Variants in LMX1B observed in about 807,000 individuals in gnomAD.
LMX1B encodes LIM homeobox transcription factor 1 beta, also known as LIM homeobox transcription factor 1-beta.
A neutral mutation model predicts 51.4 loss-of-function variants in LMX1B; 12 were observed. The ratio of observed to expected loss-of-function variants is 0.23; its 90% CI spans 0.15 to 0.38. LMX1B has a LOEUF of 0.38. Ranked by LOEUF, LMX1B falls within the 10% of genes least tolerant of loss-of-function variation. LMX1B has a pLI of 1.00. For missense variants in LMX1B, 445 were observed against 571.1 expected, an observed-to-expected ratio of 0.78 and a Z score of 2.25; for synonymous variants, 237 against 235.4, an observed-to-expected ratio of 1.01 and a Z score of -0.06.
At position 126,690,831 on chromosome 9, in the gene LMX1B, C is replaced by T. The variant is rs186285462; in HGVS notation, c.327-5C>T. Reference sequence around the variant, plus strand: ...CGCCAACACGCCCGCTTTGTGCATCCGCAGGCTCTTCGCGGCCAAGTGCAG... The same window carrying T: ...CGCCAACACGCCCGCTTTGTGCATCTGCAGGCTCTTCGCGGCCAAGTGCAG... On this transcript the variant is annotated splice_region_variant and splice_polypyrimidine_tract_variant and intron_variant, in intron 2 of 7. Coordinates refer to ENST00000373474, the MANE Select transcript of LMX1B (RefSeq NM_001174147.2). 1.1e-4 allele frequency: 184 copies of T among 1,604,408 alleles called. 1 individual carries two copies. Among genetic ancestry groups the T allele is most frequent in the East Asian group, 4.7e-4 (21 of 44,552 alleles).
chr9:126,629,232 C>G (rs928619932), intron 2 of LMX1B, among the ~76,000 whole-genome samples: 4 of 152,120 alleles, frequency 2.6e-5, no homozygotes, highest in Non-Finnish European at 2.9e-5. Flanking sequence ...CTAACACTTC[C>G]CAAGTTTGTG....
chr9:126,661,536 G>A (rs1003471011), intron 2 of LMX1B, among the ~76,000 whole-genome samples: 2 of 152,182 alleles, frequency 1.3e-5, no homozygotes, highest in Non-Finnish European at 2.9e-5. Flanking sequence ...GGCCAGCCCC[G>A]GAGGCCATGG....
At chr9:126,657,425 A>T (rs1476022941) in intron 2 of LMX1B, among the ~76,000 whole-genome samples, 1 of 152,224 alleles carries the variant, frequency 6.6e-6, no homozygotes, top group East Asian at 1.9e-4. Flanking sequence ...CTGCAAGCAG[A>T]ACTCTGCTTA....
intron 2 of LMX1B, among the ~76,000 whole-genome samples, chr9:126,621,126 C>G (rs959070690): frequency 1.3e-5 from 2 of 152,190 alleles, no homozygotes; most frequent in East Asian, 3.8e-4. Context: ...AGGAAAAAAA[C>G]CAGTCCTACT....
At chr9:126,682,939 T>C (rs764207108) in intron 2 of LMX1B, among the ~76,000 whole-genome samples, 51 of 143,622 alleles carry the variant, frequency 3.6e-4, no homozygotes, top group Middle Eastern at 3.6e-3. Flanking sequence ...ATTTGTGGAA[T>C]CGCCAAATGT....
At position 126,700,501 on chromosome 9, in the gene LMX1B, C is replaced by A. The variant is rs776459298; in HGVS notation, c.*4050C>A. 6.6e-5 allele frequency: 10 copies of A among 152,304 alleles called. No homozygotes were observed. The highest frequency in any genetic ancestry group is 1.3e-4 in the Non-Finnish European group (9 of 68,100). 9.4% of individuals were successfully genotyped at this position (152,304 alleles called of 1,614,324 possible). A position where few individuals can be genotyped will look rare whatever the true frequency, so the allele number is the denominator to read the frequency against. On this transcript the variant is annotated 3_prime_UTR_variant, in exon 8 of 8. Coordinates refer to ENST00000373474, the MANE Select transcript of LMX1B (RefSeq NM_001174147.2). ...TGGCTCCATCCTTGAGCTCTGGGCA[C>A]CACCTAGGGTGAGGGAGAGCCTGCA...
In LMX1B at chr9:126,695,248, G is replaced by A. The variant is rs541988215; in HGVS notation, c.887-591G>A. On this transcript the variant is annotated intron_variant, in intron 6 of 7. Coordinates refer to ENST00000373474, the MANE Select transcript of LMX1B (RefSeq NM_001174147.2). The surrounding 1 kb of genome is among the most constrained non-coding windows in gnomAD (Gnocchi z 5.2). Reference sequence around the variant, plus strand: ...TCCAGCGGCTCCCAGCGGCCTCGGGGACCCCCACCCAGCTCGGCACCCCAG... The same window carrying A: ...TCCAGCGGCTCCCAGCGGCCTCGGGAACCCCCACCCAGCTCGGCACCCCAG... Among the ~76,000 whole-genome samples, 6 of 152,198 alleles carry A rather than the reference G, an allele frequency of 3.9e-5. No individual in the cohort carries two copies. Among genetic ancestry groups the A allele is most frequent in the African/African-American group, 1.4e-4 (6 of 41,520 alleles).
At chr9:126,648,573 G>T (rs68034064) in intron 2 of LMX1B, among the ~76,000 whole-genome samples, 9 of 152,240 alleles carry the variant, frequency 5.9e-5, no homozygotes, top group Non-Finnish European at 7.4e-5. Context: ...ATCCATCTCA[G>T]GGGGCATGAG....
At chr9:126,694,720 C>T (rs2030264537) in intron 6 of LMX1B, among the ~76,000 whole-genome samples, 1 of 152,174 alleles carries the variant, frequency 6.6e-6, no homozygotes. Flanking sequence ...GACTTGGCTT[C>T]TAATGACACA....
intron 2 of LMX1B, among the ~76,000 whole-genome samples, chr9:126,682,764 G>A (rs1275294529): frequency 2.0e-5 from 3 of 151,962 alleles, no homozygotes; most frequent in Non-Finnish European, 2.9e-5. Flanking sequence ...GCGCGGTGGC[G>A]CCTGCCTGTA....
In LMX1B at chr9:126,696,490, G is replaced by C; in HGVS notation, c.*39G>C. ...GCACGGACGCTTGGGCAGGGGCCTG[G>C]GGGGGACTGCCAGCCTCTGCGGCCA... On this transcript the variant is annotated 3_prime_UTR_variant, in exon 8 of 8. Coordinates refer to ENST00000373474, the MANE Select transcript of LMX1B (RefSeq NM_001174147.2). 1.2e-6 allele frequency: 2 copies of C among 1,611,230 alleles called. No individual in the cohort carries two copies. The highest frequency in any genetic ancestry group is 1.7e-6 in the Non-Finnish European group (2 of 1,178,042).
intron 2 of LMX1B, among the ~76,000 whole-genome samples, chr9:126,674,242 CTGAG>C (rs1836514401): frequency 6.6e-6 from 1 of 152,154 alleles, no homozygotes; most frequent in Non-Finnish European, 1.5e-5. Flanking sequence ...GAATATGTCT[CTGAG>C]TGAGTGTCTG....
chr9:126,646,696 G>A (rs1319307980), intron 2 of LMX1B, among the ~76,000 whole-genome samples: 7 of 152,306 alleles, frequency 4.6e-5, no homozygotes, highest in African/African-American at 1.7e-4. Context: ...CAGAGACTGT[G>A]TTCCCAGAAC....
At chr9:126,652,359 C>T (rs762297277) in intron 2 of LMX1B, among the ~76,000 whole-genome samples, 2 of 152,102 alleles carry the variant, frequency 1.3e-5, no homozygotes, top group Non-Finnish European at 2.9e-5. Context: ...GGGAAGGGCT[C>T]CCGTTCAAAG....
intron 2 of LMX1B, among the ~76,000 whole-genome samples, chr9:126,664,913 T>A (rs1209007041): frequency 7.9e-5 from 12 of 152,236 alleles, no homozygotes; most frequent in African/African-American, 2.7e-4. Flanking sequence ...AAGTATTTCC[T>A]GACCTTGACC....
Position 126,615,280 on chromosome 9 carries a change from G to A in LMX1B, c.140-103G>A, listed in dbSNP as rs1835280466. 3 of 801,642 alleles carry A rather than the reference G, an allele frequency of 3.7e-6. No homozygotes were observed. The highest frequency in any genetic ancestry group is 4.9e-6 in the Non-Finnish European group (3 of 609,482). The allele number at this position is 801,642 out of a possible 1,614,324, so 49.7% of individuals were successfully genotyped here. A position where few individuals can be genotyped will look rare whatever the true frequency, so the allele number is the denominator to read the frequency against. ...CAGGCGGCAGGCGGTGATCCCGGGCGGCCCGAGCCCTCGGGGCCGAGGGCT... is the reference window on the plus strand; with the variant it reads ...CAGGCGGCAGGCGGTGATCCCGGGCAGCCCGAGCCCTCGGGGCCGAGGGCT... On this transcript the variant is annotated intron_variant, in intron 1 of 7. Coordinates refer to ENST00000373474, the MANE Select transcript of LMX1B (RefSeq NM_001174147.2). This position sits in a 1 kb window ranked among gnomAD's most constrained non-coding sequence, Gnocchi z 6.0.
intron 2 of LMX1B, among the ~76,000 whole-genome samples, chr9:126,683,670 G>A (rs926954630): frequency 3.3e-5 from 5 of 152,194 alleles, no homozygotes; most frequent in Admixed American, 6.5e-5. Flanking sequence ...TCTACAGCCT[G>A]CCATCCTGGG....
chr9:126,696,527 C>A lies in LMX1B; in HGVS notation c.*76C>A. 6.5e-7 allele frequency: 1 copy of A among 1,539,762 alleles called. No homozygotes were observed. The highest frequency in any genetic ancestry group is 9.0e-7 in the Non-Finnish European group (1 of 1,115,106). On this transcript the variant is annotated 3_prime_UTR_variant, in exon 8 of 8. Coordinates refer to ENST00000373474, the MANE Select transcript of LMX1B (RefSeq NM_001174147.2). Reference sequence around the variant, plus strand: ...AGCCTCTGCGGCCAGCCTGGCCACCCCCGCCCTGCTCTCCGCACAGACTAC... The same window carrying A: ...AGCCTCTGCGGCCAGCCTGGCCACCACCGCCCTGCTCTCCGCACAGACTAC...
At chr9:126,676,108 G>T (rs983122252) in intron 2 of LMX1B, among the ~76,000 whole-genome samples, 5 of 151,664 alleles carry the variant, frequency 3.3e-5, no homozygotes, top group Admixed American at 3.3e-4. Context: ...ACTCAGGCAG[G>T]CTCCTGTACT....
Sources: allele counts gnomAD v4.1 joint callset (sites outside exome capture counted in the v4.1 genomes callset), GRCh38; gene constraint gnomAD v4.1.1; non-coding constraint Gnocchi (gnomAD v3.1); transcripts MANE v1.5; gene names NCBI Gene and HGNC (gene_info 2026-07-23, HGNC 2026-07-21).